The following NEXMIF variants were observed in gnomAD, a reference collection of about 807,000 sequenced individuals.
NEXMIF encodes the protein XLMR protein related to neurite extension.
A neutral mutation model predicts 62.1 loss-of-function variants in NEXMIF; 8 were observed. That is an observed-to-expected ratio of 0.13 (90% CI 0.08 to 0.23). The LOEUF is 0.23. NEXMIF is among the 10% of genes least tolerant of loss of function. The pLI, the probability that NEXMIF is intolerant of heterozygous loss-of-function variation, is 1.00. For synonymous variants in NEXMIF, 404 were observed against 416.6 expected (o/e 0.97, Z 0.37); for missense variants, 976 against 1,113.3 (o/e 0.88, Z 1.75).
At chrX:74,896,395 GT>G (rs1327135761) in intron 1 of NEXMIF, among the ~76,000 whole-genome samples, 1 of 112,124 alleles carries the variant, frequency 8.9e-6, no homozygotes. Context: ...ATATCTGACT[GT>G]TTCTTTTCAA....
chrX:74,741,801 G>T lies in NEXMIF; in HGVS notation c.2756C>A (p.Ser919Tyr). ...APTQSSEFGASQVVSMENNLT... is the reference protein window; with the variant it reads ...APTQSSEFGAYQVVSMENNLT... ...GTTATTTTCCATGGAGACTACTTGG[G>T]AGGCTCCAAATTCACTGGATTGGGT... The change falls in exon 3 of 4, where the codon TCC becomes TAC. Residue 919 changes from serine (S) to tyrosine (Y), a missense_variant. By Grantham distance (144) the Ser-to-Tyr change is moderately radical. Transcript: ENST00000055682. The T allele has an allele frequency of 8.3e-7, 1 of 1,211,812 alleles. No individual in the cohort carries two copies.
In NEXMIF at chrX:74,903,663, C is replaced by A. The variant is rs1266852084; in HGVS notation, c.-48+21220G>T. Among the ~76,000 whole-genome samples, 6 of 111,542 alleles carry A rather than the reference C, an allele frequency of 5.4e-5. No homozygotes were observed. The Admixed American group carries it at 5.7e-4, about 11-fold the overall frequency. On this transcript the variant is annotated intron_variant, in intron 1 of 3. Coordinates refer to ENST00000055682, the MANE Select transcript of NEXMIF (RefSeq NM_001008537.3). ...CCAAGACCAAGAATAAGGGTGTTTT[C>A]ATTTTTTATTTGTTAATCTCAGCAT...
At chrX:74,803,729 G>A (rs1440298273) in intron 1 of NEXMIF, among the ~76,000 whole-genome samples, 3 of 105,545 alleles carry the variant, frequency 2.8e-5, no homozygotes, top group African/African-American at 1.0e-4. Context: ...TACAGGTCAG[G>A]AGAGAGTGGC....
chrX:74,876,422 A>G (rs1455841095), intron 1 of NEXMIF, among the ~76,000 whole-genome samples: 7 of 111,227 alleles, frequency 6.3e-5, no homozygotes, highest in African/African-American at 2.0e-4. Context: ...TATATGGTCA[A>G]TTTTGGAATA....
intron 1 of NEXMIF, among the ~76,000 whole-genome samples, chrX:74,850,122 G>A (rs911665705): frequency 3.6e-5 from 4 of 111,674 alleles, no homozygotes; most frequent in Non-Finnish European, 7.5e-5. Context: ...GGATTTCACT[G>A]TCTCATCTAC....
intron 1 of NEXMIF, among the ~76,000 whole-genome samples, chrX:74,899,343 A>G (rs900945661): frequency 8.1e-5 from 9 of 111,659 alleles, no homozygotes; most frequent in Non-Finnish European, 1.1e-4. Flanking sequence ...TCGTCCCCCA[A>G]AAAAAACTGT....
intron 1 of NEXMIF, among the ~76,000 whole-genome samples, chrX:74,819,743 T>C (rs1184649332): frequency 9.0e-6 from 1 of 111,078 alleles, no homozygotes; most frequent in Non-Finnish European, 1.9e-5. Flanking sequence ...TTGGTGGGAG[T>C]GTAAATTAGT....
At chrX:74,809,977 C>A (rs748100668) in intron 1 of NEXMIF, among the ~76,000 whole-genome samples, 5 of 111,503 alleles carry the variant, frequency 4.5e-5, no homozygotes, top group Non-Finnish European at 9.4e-5. Context: ...AATAGGATTA[C>A]AAAATAGTTC....
chrX:74,871,245 G>A (rs920787496), intron 1 of NEXMIF, among the ~76,000 whole-genome samples: 3 of 111,374 alleles, frequency 2.7e-5, no homozygotes, highest in Non-Finnish European at 5.7e-5. Context: ...TCACATATTG[G>A]TAGGACCATG....
At chrX:74,920,169 T>C (rs989255367) in intron 1 of NEXMIF, among the ~76,000 whole-genome samples, 4 of 111,158 alleles carry the variant, frequency 3.6e-5, no homozygotes, top group African/African-American at 1.3e-4. Context: ...TCAAATGGTA[T>C]TTCTAGTTCT....
rs901039815 is a variant in NEXMIF at position 74,844,074 on chromosome X, A to C, written c.-48+80809T>G. 7.1e-5 allele frequency among the ~76,000 whole-genome samples: 8 copies of C among 111,959 alleles called. No homozygotes were observed. In the Admixed American group the frequency reaches 7.6e-4, roughly 11 times the overall value. ...TAGCTGGATATGAAATTCTTGGTTG[A>C]AGATTTTTTTCTTTAAGAATATTAA... On this transcript the variant is annotated intron_variant, in intron 1 of 3. Coordinates refer to ENST00000055682, the MANE Select transcript of NEXMIF (RefSeq NM_001008537.3).
At chrX:74,796,275 C>CATATATATTATATATATTATATATATA (rs2080311415) in intron 1 of NEXMIF, among the ~76,000 whole-genome samples, 14 of 42,050 alleles carry the variant, frequency 3.3e-4, no homozygotes, top group African/African-American at 1.3e-3. Flanking sequence ...TATATATATA[C>CATATATATTATATATATTATATATATA]ATATATATTA....
chrX:74,893,341 C>T (rs756196731), intron 1 of NEXMIF, among the ~76,000 whole-genome samples: 17 of 112,266 alleles, frequency 1.5e-4, no homozygotes, highest in Admixed American at 1.3e-3. Context: ...TTGCCACCTG[C>T]TTCTTAGTTC....
chrX:74,767,547 G>GTA (rs1159084250), intron 1 of NEXMIF, among the ~76,000 whole-genome samples: 2 of 111,551 alleles, frequency 1.8e-5, no homozygotes, highest in Non-Finnish European at 3.8e-5. Flanking sequence ...CTGCTGTACT[G>GTA]TGGCAGTTGA....
intron 1 of NEXMIF, among the ~76,000 whole-genome samples, chrX:74,887,803 C>T (rs1234290207): frequency 8.9e-6 from 1 of 111,851 alleles, no homozygotes; most frequent in Non-Finnish European, 1.9e-5. Flanking sequence ...TGGGTATATA[C>T]CCAAAGGATT....
In NEXMIF at chrX:74,745,582, G is replaced by A. The variant is rs777204956; in HGVS notation, c.69C>T (p.Val23=). ...ATTAAATTCCCTTACCATTTTCTTT[G>A]ACCCCATTAATCAGAGTGTTTTCTC... ...ANGENTLING[V]KENDSEDQDV... The change falls in exon 2 of 4, where the codon GTC becomes GTT. Residue 23 remains valine, a synonymous_variant. Coordinates refer to ENST00000055682, the MANE Select transcript of NEXMIF (RefSeq NM_001008537.3). 1 of 1,185,560 alleles carries A rather than the reference G, an allele frequency of 8.4e-7. No homozygotes were observed. The highest frequency in any genetic ancestry group is 1.8e-5 in the South Asian group (1 of 56,119).
chrX:74,826,097 GT>G (rs1358903993), intron 1 of NEXMIF, among the ~76,000 whole-genome samples: 1 of 112,404 alleles, frequency 8.9e-6, no homozygotes, highest in Non-Finnish European at 1.9e-5. Flanking sequence ...TTGCCACACT[GT>G]TTTTTACAAT....
At chrX:74,909,862 A>G (rs911027008) in intron 1 of NEXMIF, among the ~76,000 whole-genome samples, 24 of 112,249 alleles carry the variant, frequency 2.1e-4, no homozygotes, top group African/African-American at 7.8e-4. Flanking sequence ...ATGGTTTCAG[A>G]GGGTACAAGC....
At chrX:74,881,425 G>C (rs6647553) in intron 1 of NEXMIF, among the ~76,000 whole-genome samples, 1,279 of 50,044 alleles carry the variant, frequency 0.026, 7 homozygotes, top group African/African-American at 0.079. Context: ...CACACACACA[G>C]AGCAAATACA....
Sources: gnomAD v4.1 joint callset for allele counts (sites outside exome capture counted in the v4.1 genomes callset) on GRCh38, gnomAD v4.1.1 for gene constraint, MANE v1.5 for transcripts, NCBI Gene and HGNC (gene_info 2026-07-23, HGNC 2026-07-21) for gene names.